Variants in GC observed in about 807,000 individuals in gnomAD.
GC encodes the protein GC vitamin D binding protein.
In GC, 43 loss-of-function variants were observed where a neutral mutation model predicts 56.7. The observed-to-expected ratio is 0.76, with a 90% confidence interval of 0.59 to 0.98. GC has a LOEUF of 0.98. GC is among the 50% of genes least tolerant of loss of function. The pLI is 0.00. For synonymous variants in GC, 216 were observed against 202.7 expected (o/e 1.07, Z -0.56); for missense variants, 529 against 545.9 (o/e 0.97, Z 0.31).
chr4:71,770,074 A>G (rs1181291986), intron 1 of GC, among the ~76,000 whole-genome samples: 1 of 152,166 alleles, frequency 6.6e-6, no homozygotes, highest in Admixed American at 6.6e-5. Flanking sequence ...TCACTTTCAC[A>G]TAGTGACAAG....
At chr4:71,778,118 C>T (rs1053918258) in intron 1 of GC, among the ~76,000 whole-genome samples, 1 of 151,838 alleles carries the variant, frequency 6.6e-6, no homozygotes, top group Admixed American at 6.6e-5. Flanking sequence ...TGTATAACTA[C>T]ATAACACTCC....
chr4:71,783,072 G>A (rs1221448159), intron 1 of GC, among the ~76,000 whole-genome samples: 1 of 151,804 alleles, frequency 6.6e-6, no homozygotes, highest in South Asian at 2.1e-4. Context: ...GTTAATAACT[G>A]ATAATTCTTG....
At chr4:71,785,899 G>A (rs1427671361), upstream of GC, 1 of 151,730 alleles carries the variant, frequency 6.6e-6, no homozygotes, top group Non-Finnish European at 1.5e-5. Context: ...TTTTCTTTAA[G>A]ATAATACACT....
At chr4:71,748,403 G>A (rs1196085023) in intron 11 of GC, among the ~76,000 whole-genome samples, 1 of 151,900 alleles carries the variant, frequency 6.6e-6, no homozygotes, top group Non-Finnish European at 1.5e-5. Flanking sequence ...TTGGCTATTT[G>A]TATTTGTCTC....
intron 8 of GC, among the ~76,000 whole-genome samples, chr4:71,755,953 A>G (rs1311467697): frequency 6.6e-6 from 1 of 152,234 alleles, no homozygotes; most frequent in East Asian, 1.9e-4. Flanking sequence ...TTTGTGAAAT[A>G]TTTTTATGCC....
chr4:71,765,717 T>C, intron 3 of GC, 74 bp from the exon 4 acceptor site: 1 of 857,718 alleles, frequency 1.2e-6, no homozygotes, highest in Middle Eastern at 3.5e-4. Flanking sequence ...TTTAATATAA[T>C]ATCTTAGCCT....
chr4:71,803,919 G>C (rs187338765), intron 1 of GC: 1 of 1,477,972 alleles, frequency 6.8e-7, no homozygotes, highest in Non-Finnish European at 9.1e-7. Context: ...GAATTAGAAC[G>C]CAGTACCTCA....
chr4:71,805,357 T>G (rs1054939836), upstream of GC, among the ~76,000 whole-genome samples: 3 of 152,120 alleles, frequency 2.0e-5, no homozygotes, highest in Non-Finnish European at 4.4e-5. Context: ...TTCTCAAGGG[T>G]TCTGTCGCAA....
chr4:71,760,174 G>A (rs1159587314), intron 6 of GC, among the ~76,000 whole-genome samples: 1 of 150,784 alleles, frequency 6.6e-6, no homozygotes, highest in African/African-American at 2.4e-5. Context: ...CTCCTGAGTA[G>A]CTGGGACTAT....
In GC at chr4:71,753,387, G is replaced by A. The variant is rs547112687; in HGVS notation, c.1263-737C>T. Among the ~76,000 whole-genome samples, 467 of 151,952 alleles carry A rather than the reference G, an allele frequency of 3.1e-3. 6 individuals carry two copies. Among genetic ancestry groups the A allele is most frequent in the Non-Finnish European group, 3.2e-3 (220 of 67,978 alleles). On this transcript the variant is annotated intron_variant, in intron 10 of 12. Transcript: ENST00000273951. Reference sequence around the variant, plus strand: ...AGTGGATGCTGGGAAGGGACAAAAGGGTAAGGGGGACCAGTTAGTTCATAA... The same window carrying A: ...AGTGGATGCTGGGAAGGGACAAAAGAGTAAGGGGGACCAGTTAGTTCATAA...
In GC at chr4:71,765,567, G is replaced by A. The variant is rs772299098; in HGVS notation, c.338C>T (p.Thr113Ile). ...PVHPGTAECC[T>I]KEGLERKLCM... Reference sequence around the variant, plus strand: ...GAGCTTTCGTTCCAGGCCCTCTTTGGTGCAGCACTCAGCAGTGCCTGGGTG... The same window carrying A: ...GAGCTTTCGTTCCAGGCCCTCTTTGATGCAGCACTCAGCAGTGCCTGGGTG... Residue 113 changes from threonine to isoleucine, a missense_variant, in exon 4 of 13, where the codon ACC becomes ATC. Thr to Ile is a moderately conservative substitution (Grantham distance 89). Coordinates refer to ENST00000273951, the MANE Select transcript of GC (RefSeq NM_000583.4). The A allele has an allele frequency of 1.2e-6, 2 of 1,613,630 alleles. No homozygotes were observed. The highest frequency in any genetic ancestry group is 1.7e-6 in the Non-Finnish European group (2 of 1,179,698).
chr4:71,793,644 T>C (rs1743024075), intron 1 of GC, among the ~76,000 whole-genome samples: 1 of 152,180 alleles, frequency 6.6e-6, no homozygotes, highest in East Asian at 1.9e-4. Flanking sequence ...GAATACCCTT[T>C]ATTTCTTTCT....
chr4:71,803,628 T>C lies in GC; in HGVS notation c.21+298A>G, dbSNP rs112210434. Among the ~76,000 whole-genome samples the C allele has an allele frequency of 1.8e-4, 27 of 152,274 alleles. 2 individuals are homozygous for C. Among genetic ancestry groups the C allele is most frequent in the African/African-American group, 6.5e-4 (27 of 41,564 alleles). ...ACTTTTGGTGATCTTACTTCAGAGA[T>C]TTGGGATTCTATTTCATTTCCTCAG... On this transcript the variant is annotated intron_variant, in intron 1 of 13. Coordinates refer to the GC transcript ENST00000504199.
chr4:71,765,662 G>T lies in GC; in HGVS notation c.262-19C>A. 1 of 1,456,440 alleles carries T rather than the reference G, an allele frequency of 6.9e-7. No individual in the cohort carries two copies. 90.2% of individuals were successfully genotyped at this position (1,456,440 alleles called of 1,614,324 possible). On this transcript the variant is annotated intron_variant, in intron 3 of 12. Transcript: ENST00000273951. The stretch of plus-strand genomic sequence containing the variant: ...CTGAGGTCTGGAGGAGAAGGAAAAA[G>T]GAAACTCATATATATATGTAAATTT...
intron 8 of GC, 68 bp downstream of exon 8, chr4:71,756,644 G>A (rs987015577): frequency 9.8e-7 from 1 of 1,023,618 alleles, no homozygotes. Context: ...CCCTCCATCT[G>A]GCTGGCCCCC....
chr4:71,755,022 C>G lies in GC; in HGVS notation c.1120G>C (p.Glu374Gln), dbSNP rs1341745541. The G allele has an allele frequency of 1.3e-6, 2 of 1,598,812 alleles. No individual in the cohort carries two copies. The highest frequency in any genetic ancestry group is 2.7e-5 in the African/African-American group (2 of 73,972). ...VLEPTLKSLGECCDVEDSTTC... is the reference protein window; with the variant it reads ...VLEPTLKSLGQCCDVEDSTTC... Reference sequence around the variant, plus strand: ...GTTGAGTCTTCAACATCACAGCATTCACCAAGGCTTTTTAGGGTTGGCTCA... The same window carrying G: ...GTTGAGTCTTCAACATCACAGCATTGACCAAGGCTTTTTAGGGTTGGCTCA... The change falls in exon 9 of 13, where the codon GAA becomes CAA. Residue 374 changes from glutamate to glutamine, a missense_variant. Physicochemically the swap from Glu to Gln is conservative, Grantham distance 29 (BLOSUM62 2). Transcript: ENST00000273951.
intron 1 of GC, among the ~76,000 whole-genome samples, chr4:71,797,504 G>A (rs1030189025): frequency 6.6e-6 from 1 of 152,262 alleles, no homozygotes; most frequent in Non-Finnish European, 1.5e-5. Flanking sequence ...GCCAGGCAGG[G>A]GAGAGAATCT....
intron 6 of GC, among the ~76,000 whole-genome samples, chr4:71,760,996 G>A (rs906815713): frequency 6.6e-6 from 1 of 152,194 alleles, no homozygotes; most frequent in Admixed American, 6.5e-5. Flanking sequence ...TGTACCAGGA[G>A]TGCGGTGCTG....
intron 1 of GC, among the ~76,000 whole-genome samples, chr4:71,796,139 C>T (rs1231496030): frequency 6.6e-6 from 1 of 152,126 alleles, no homozygotes; most frequent in Non-Finnish European, 1.5e-5. Flanking sequence ...AATTATGTTG[C>T]TTGGAGTTGC....
Sources: allele counts gnomAD v4.1 joint callset (sites outside exome capture counted in the v4.1 genomes callset), GRCh38; gene constraint gnomAD v4.1.1; transcripts MANE v1.5; gene names NCBI Gene and HGNC (gene_info 2026-07-23, HGNC 2026-07-21).